Variants in CCNI2 observed in about 807,000 individuals in gnomAD.
CCNI2 encodes the protein cyclin I family member 2.
A neutral mutation model predicts 33.2 loss-of-function variants in CCNI2; 32 were observed. The ratio of observed to expected loss-of-function variants is 0.96; its 90% CI spans 0.73 to 1.30. The LOEUF is 1.30. Among genes scored for constraint, CCNI2 ranks in the 50% most tolerant of loss-of-function variants. The pLI is 0.00. For synonymous variants in CCNI2, 231 were observed against 219.9 expected (o/e 1.05, Z -0.45); for missense variants, 452 against 486.2 (o/e 0.93, Z 0.66).
Position 132,752,901 on chromosome 5 carries a change from T to G in CCNI2, c.1041T>G (p.Leu347=). The change falls in exon 6 of 6, where the codon CTT becomes CTG. Residue 347 remains leucine (L), a synonymous_variant. Coordinates refer to ENST00000378731, the MANE Select transcript of CCNI2 (RefSeq NM_001039780.4). ...TGCAGTACAGCTGCTGCAAGGAACTTGTAATGCAGCAACTGAGAAGTCTTC... is the reference window on the plus strand; with the variant it reads ...TGCAGTACAGCTGCTGCAAGGAACTGGTAATGCAGCAACTGAGAAGTCTTC... ...GDMQYSCCKE[L]VMQQLRSLQS... is the part of the protein sequence containing the mutation. 1 of 1,614,176 alleles carries G rather than the reference T, an allele frequency of 6.2e-7. No homozygotes were observed. The highest frequency in any genetic ancestry group is 8.5e-7 in the Non-Finnish European group (1 of 1,180,030).
Position 132,747,973 on chromosome 5 carries a change from A to C in CCNI2, c.429+49A>C. ...CTCCTCGCGCGTGCACGGCAGGCGGATGTGGCCTCCACCTGCACCCGCGCT... is the reference window on the plus strand; with the variant it reads ...CTCCTCGCGCGTGCACGGCAGGCGGCTGTGGCCTCCACCTGCACCCGCGCT... On this transcript the variant is annotated intron_variant, in intron 1 of 5. Transcript: ENST00000378731. The surrounding 1 kb of genome is among the most constrained non-coding windows in gnomAD (Gnocchi z 4.1). 1.5e-6 allele frequency: 2 copies of C among 1,350,742 alleles called. No homozygotes were observed. The highest frequency in any genetic ancestry group is 1.9e-6 in the Non-Finnish European group (2 of 1,055,696). 83.7% of individuals were successfully genotyped at this position (1,350,742 alleles called of 1,614,324 possible). A position where few individuals can be genotyped will look rare whatever the true frequency, so the allele number is the denominator to read the frequency against.
Position 132,751,094 on chromosome 5 carries a change from C to T in CCNI2, c.774+97C>T, listed in dbSNP as rs1024393108. On this transcript the variant is annotated intron_variant, in intron 4 of 5. Coordinates refer to ENST00000378731, the MANE Select transcript of CCNI2 (RefSeq NM_001039780.4). ...GGATGGCAAAGCACAGGCGTGCACACGCCCTTGCACATGCACCACAGTGAG... is the reference window on the plus strand; with the variant it reads ...GGATGGCAAAGCACAGGCGTGCACATGCCCTTGCACATGCACCACAGTGAG... 76 of 1,384,380 alleles carry T rather than the reference C, an allele frequency of 5.5e-5. 1 individual carries two copies. The highest frequency in any genetic ancestry group is 5.3e-4 in the South Asian group (39 of 73,924). The allele number at this position is 1,384,380 out of a possible 1,614,324, so 85.8% of individuals were successfully genotyped here. A position where few individuals can be genotyped will look rare whatever the true frequency, so the allele number is the denominator to read the frequency against.
At position 132,748,455 on chromosome 5, in the gene CCNI2, C is replaced by G; in HGVS notation, c.538C>G (p.Arg180Gly). 2 of 1,614,154 alleles carry G rather than the reference C, an allele frequency of 1.2e-6. No individual in the cohort carries two copies. Among genetic ancestry groups the G allele is most frequent in the Non-Finnish European group, 1.7e-6 (2 of 1,180,010 alleles). Residue 180 changes from arginine (R) to glycine (G), a missense_variant, in exon 2 of 6, where the codon CGC (arginine) becomes GGC (glycine). Coordinates refer to ENST00000378731, the MANE Select transcript of CCNI2 (RefSeq NM_001039780.4). ...TFNLALTIFG[R>G]LLISVKVKEK... ...TAACCTGGCCCTCACCATCTTTGGC[C>G]GCCTCCTGATTTCAGTGAAGGTAGG...
chr5:132,748,939 T>C (rs973956879), intron 2 of CCNI2, among the ~76,000 whole-genome samples: 1 of 152,134 alleles, frequency 6.6e-6, no homozygotes, highest in Non-Finnish European at 1.5e-5. Flanking sequence ...ATTGAGCCTT[T>C]TAAAAATGGG....
At chr5:132,748,311 G>T in intron 1 of CCNI2, 36 bp from the exon 2 acceptor site, 1 of 1,611,226 alleles carries the variant, frequency 6.2e-7, no homozygotes, top group South Asian at 1.1e-5. Context: ...GGCCGCTAGC[G>T]ACCTTCCTCG....
At chr5:132,748,076 C>A in intron 1 of CCNI2, 152 bp downstream of exon 1, 1 of 976,994 alleles carries the variant, frequency 1.0e-6, no homozygotes, top group South Asian at 1.9e-5. Context: ...GATCCACCAG[C>A]TTCTCTCTAG....
chr5:132,748,526 C>A (rs1360812649), intron 2 of CCNI2, 51 bp downstream of exon 2: 1 of 1,605,606 alleles, frequency 6.2e-7, no homozygotes, highest in Non-Finnish European at 8.5e-7. Context: ...AGAAACTAAC[C>A]TTTGCTCCCC....
At chr5:132,749,023 A>C (rs1561724850) in intron 2 of CCNI2, among the ~76,000 whole-genome samples, 1 of 152,214 alleles carries the variant, frequency 6.6e-6, no homozygotes. Flanking sequence ...TGGGAGGCCA[A>C]GGGGTGTGGA....
rs777749134 is a variant in CCNI2, at chr5:132,749,392, G to T, written c.603G>T (p.Arg201Ser). The T allele has an allele frequency of 1.2e-6, 2 of 1,613,990 alleles. No individual in the cohort carries two copies. Among genetic ancestry groups the T allele is most frequent in the Non-Finnish European group, 1.7e-6 (2 of 1,180,006 alleles). The change falls in exon 3 of 6, where the codon AGG becomes AGT. Residue 201 changes from arginine to serine, a missense_variant. Coordinates refer to ENST00000378731, the MANE Select transcript of CCNI2 (RefSeq NM_001039780.4). ...ATTGCGCCACAATTACTTCCTTGAG[G>T]CTCGCTGCAAAAGTTAATGAAGAAG... is the stretch of plus-strand genomic sequence containing the variant. ...YLHCATITSL[R>S]LAAKVNEEEE...
rs2149932999 is a variant in CCNI2 at position 132,747,861 on chromosome 5, G to A, written c.366G>A (p.Leu122=). 4 of 1,467,006 alleles carry A rather than the reference G, an allele frequency of 2.7e-6. No homozygotes were observed. In the East Asian group the frequency reaches 1.2e-4, roughly 42 times the overall value. 90.9% of individuals were successfully genotyped at this position (1,467,006 alleles called of 1,614,324 possible). The change falls in exon 1 of 6, where the codon CTG becomes CTA. Residue 122 remains leucine (L), a synonymous_variant. Transcript: ENST00000378731. This position sits in a 1 kb window ranked among gnomAD's most constrained non-coding sequence, Gnocchi z 4.1. ...AAGGCGACCTGGACGAGCGCCGGCT[G>A]CTCTGCCACTTGCAGCTGGCCCAGG... is the stretch of plus-strand genomic sequence containing the variant. The part of the protein sequence containing the change: ...NLEGDLDERR[L]LCHLQLAQDR...
chr5:132,754,604 G>T, downstream of CCNI2: 1 of 701,312 alleles, frequency 1.4e-6, no homozygotes, highest in Non-Finnish European at 2.7e-6. Flanking sequence ...ATAAATGATA[G>T]AACTCTTCTA....
intron 5 of CCNI2, 114 bp downstream of exon 5, chr5:132,752,310 A>G (rs1202865018): frequency 1.6e-6 from 2 of 1,253,510 alleles, no homozygotes; most frequent in Admixed American, 2.8e-5. Context: ...TGTTCTGGCC[A>G]TAACCCTGGA....
Position 132,752,064 on chromosome 5 carries a change from G to A in CCNI2, c.873G>A (p.Gln291=). 6.2e-7 allele frequency: 1 copy of A among 1,609,336 alleles called. No individual in the cohort carries two copies. The highest frequency in any genetic ancestry group is 8.5e-7 in the Non-Finnish European group (1 of 1,177,962). The change falls in exon 5 of 6, where the codon CAG becomes CAA. Residue 291 remains glutamine (Q), a synonymous_variant. Coordinates refer to ENST00000378731, the MANE Select transcript of CCNI2 (RefSeq NM_001039780.4). The part of the protein sequence containing the change: ...LHVASLTRQL[Q]HCMAGHQLLQ... ...TCGCATCCCTGACCAGGCAGCTGCAGCACTGTATGGCGGGCCACCAGCTGC... is the reference window on the plus strand; with the variant it reads ...TCGCATCCCTGACCAGGCAGCTGCAACACTGTATGGCGGGCCACCAGCTGC...
In CCNI2 at chr5:132,754,137, C is replaced by T. The variant is rs111873298; in HGVS notation, c.*1167C>T. ...ACACACTTTTGCTTGTTGGTGCTTT[C>T]GTTAAAATTACACTTTAATTGCTTC... On this transcript the variant is annotated 3_prime_UTR_variant, in exon 6 of 6. Transcript: ENST00000378731. 2.3e-5 allele frequency: 9 copies of T among 386,600 alleles called. No individual in the cohort carries two copies. The highest frequency in any genetic ancestry group is 1.2e-4 in the African/African-American group (6 of 49,524). 23.9% of individuals were successfully genotyped at this position (386,600 alleles called of 1,614,324 possible). A position where few individuals can be genotyped will look rare whatever the true frequency, so the allele number is the denominator to read the frequency against.
At position 132,753,050 on chromosome 5, in the gene CCNI2, T is replaced by C; in HGVS notation, c.*80T>C. On this transcript the variant is annotated 3_prime_UTR_variant, in exon 6 of 6. Transcript: ENST00000378731. ...GGACTACCATGAGTTCTTTGGCTTG[T>C]TATGAATCCTGTAAAAAGGGAAGGT... The C allele has an allele frequency of 8.8e-7, 1 of 1,131,128 alleles. No individual in the cohort carries two copies. The highest frequency in any genetic ancestry group is 2.4e-5 in the East Asian group (1 of 42,212). The allele number at this position is 1,131,128 out of a possible 1,614,324, so 70.1% of individuals were successfully genotyped here.
At position 132,748,470 on chromosome 5, in the gene CCNI2, G is replaced by T; in HGVS notation, c.553G>T (p.Val185Leu). 6.2e-7 allele frequency: 1 copy of T among 1,614,178 alleles called. No individual in the cohort carries two copies. Among genetic ancestry groups the T allele is most frequent in the Non-Finnish European group, 8.5e-7 (1 of 1,180,014 alleles). ...CATCTTTGGCCGCCTCCTGATTTCA[G>T]TGAAGGTAGGGAGGCCTCTGAGGGA... Reference protein sequence around the residue: ...LTIFGRLLISVKVKEKYLHCA... With the variant: ...LTIFGRLLISLKVKEKYLHCA... Residue 185 changes from valine (V) to leucine (L), a missense_variant, in exon 2 of 6, where the codon GTG becomes TTG. Val to Leu is a conservative substitution (Grantham distance 32). Transcript: ENST00000378731.
At chr5:132,754,647 C>T (rs2149949026), downstream of CCNI2, 2 of 611,960 alleles carry the variant, frequency 3.3e-6, 1 homozygote, top group Middle Eastern at 6.7e-4. Flanking sequence ...GCCGAAGTCC[C>T]ACTCGTGGAT....
intron 1 of CCNI2, 34 bp from the exon 2 acceptor site, chr5:132,748,313 C>T: frequency 6.2e-7 from 1 of 1,611,734 alleles, no homozygotes; most frequent in South Asian, 1.1e-5. Flanking sequence ...CCGCTAGCGA[C>T]CTTCCTCGCC....
downstream of CCNI2, chr5:132,754,639 C>T (rs1755170752): frequency 4.8e-6 from 3 of 624,650 alleles, no homozygotes; most frequent in South Asian, 1.9e-5. Context: ...TTTGTATTGC[C>T]GAAGTCCCAC....
Sources: allele counts gnomAD v4.1 joint callset (sites outside exome capture counted in the v4.1 genomes callset), GRCh38; gene constraint gnomAD v4.1.1; non-coding constraint Gnocchi (gnomAD v3.1); transcripts MANE v1.5; gene names NCBI Gene and HGNC (gene_info 2026-07-23, HGNC 2026-07-21).